Variants in PKHD1 observed in about 807,000 individuals in gnomAD.
PKHD1 encodes PKHD1 ciliary IPT domain containing fibrocystin/polyductin, also known as fibrocystin.
Under a neutral mutation model 412.0 loss-of-function variants are expected in PKHD1, and 291 were observed. The ratio of observed to expected loss-of-function variants is 0.71; its 90% CI spans 0.64 to 0.78. The LOEUF is 0.78. PKHD1 is among the 30% of genes least tolerant of loss of function. PKHD1 has a pLI of 0.00. For synonymous variants in PKHD1, 1,777 were observed against 1,821.5 expected (o/e 0.98, Z 0.62); for missense variants, 4,825 against 4,950.7 (o/e 0.97, Z 0.76).
intron 50 of PKHD1, among the ~76,000 whole-genome samples, chr6:51,844,439 G>A (rs1183009803): frequency 6.6e-6 from 1 of 152,108 alleles, no homozygotes; most frequent in Non-Finnish European, 1.5e-5. Flanking sequence ...TTTTTTCTTT[G>A]TCACTGGGAA....
intron 55 of PKHD1, among the ~76,000 whole-genome samples, chr6:51,768,068 T>C (rs1333067085): frequency 6.6e-6 from 1 of 152,186 alleles, no homozygotes; most frequent in African/African-American, 2.4e-5. Context: ...TGATGGCCAG[T>C]GATGATGAGC....
Position 51,934,111 on chromosome 6 carries a change from G to A in PKHD1, c.6120C>T (p.His2040=), listed in dbSNP as rs747414274. ...CCTCTGATCAATTGCCTCACTCACC[G>A]TGCAGAGAAAGAGTTCCATTCCTCA... ...LAVRNGTLSL[H]GSLPEVIVTC... The change falls in exon 37 of 67, where the codon CAC becomes CAT. Residue 2040 remains histidine (H), a splice_region_variant and synonymous_variant. Coordinates refer to ENST00000371117, the MANE Select transcript of PKHD1 (RefSeq NM_138694.4). 6.8e-6 allele frequency: 11 copies of A among 1,606,238 alleles called. No homozygotes were observed. The highest frequency in any genetic ancestry group is 1.6e-4 in the Middle Eastern group (1 of 6,066).
chr6:51,870,457 G>C, intron 47 of PKHD1, 47 bp downstream of exon 47: 1 of 1,470,572 alleles, frequency 6.8e-7, no homozygotes, highest in Non-Finnish European at 9.5e-7. Context: ...ATACTGACTT[G>C]AATATGGGCC....
At chr6:51,923,829 A>T (rs1326919941) in intron 37 of PKHD1, among the ~76,000 whole-genome samples, 1 of 152,186 alleles carries the variant, frequency 6.6e-6, no homozygotes, top group African/African-American at 2.4e-5. Context: ...AAAGAAGTAT[A>T]TTCTGCCTTT....
At chr6:51,861,538 T>A (rs1774186184) in intron 48 of PKHD1, among the ~76,000 whole-genome samples, 1 of 152,230 alleles carries the variant, frequency 6.6e-6, no homozygotes, top group African/African-American at 2.4e-5. Context: ...CACTCTCATC[T>A]TTTACTGCAC....
chr6:52,010,400 T>G lies in PKHD1; in HGVS notation c.5660A>C (p.Glu1887Ala), dbSNP rs1371761544. ...CTCACACTCCATCTCTGCCTCAGTT[T>G]CCATGGTAATGTTACAGGAGCTATT... ...IYNSSCNITM[E>A]TEAEMECETP... is the part of the protein sequence containing the mutation. Residue 1887 changes from glutamate to alanine, a missense_variant, in exon 35 of 67, where the codon GAA becomes GCA. By Grantham distance (107) the Glu-to-Ala change is moderately radical (BLOSUM62 -1). Transcript: ENST00000371117. The G allele has an allele frequency of 1.9e-6, 3 of 1,610,672 alleles. No individual in the cohort carries two copies. The highest frequency in any genetic ancestry group is 3.3e-5 in the Admixed American group (2 of 59,990).
intron 35 of PKHD1, among the ~76,000 whole-genome samples, chr6:51,969,174 G>T (rs1043653456): frequency 6.6e-6 from 1 of 152,152 alleles, no homozygotes; most frequent in Non-Finnish European, 1.5e-5. Context: ...AGACCATGTG[G>T]CTAGAACCCA....
intron 23 of PKHD1, 118 bp from the exon 24 acceptor site, chr6:52,046,306 C>A (rs1805820755): frequency 1.2e-6 from 1 of 845,948 alleles, no homozygotes. Flanking sequence ...TCAGGAGACC[C>A]TTCTGTCAAA....
chr6:51,850,911 G>C (rs180867243), intron 49 of PKHD1, among the ~76,000 whole-genome samples: 1 of 151,864 alleles, frequency 6.6e-6, no homozygotes, highest in Non-Finnish European at 1.5e-5. Context: ...CTGATTACCC[G>C]GCCAGAACTT....
intron 61 of PKHD1, among the ~76,000 whole-genome samples, chr6:51,654,643 C>CA (rs34402676): frequency 0.54 from 79,993 of 147,522 alleles, 21,672 homozygotes; most frequent in African/African-American, 0.64. Flanking sequence ...AGCAAAATAG[C>CA]AAAAAAAAAA....
intron 50 of PKHD1, among the ~76,000 whole-genome samples, chr6:51,847,192 C>T (rs1218911955): frequency 6.6e-6 from 1 of 151,828 alleles, no homozygotes; most frequent in Non-Finnish European, 1.5e-5. Flanking sequence ...AACTCCTGGC[C>T]TCAACTGATC....
At chr6:51,883,735 G>A (rs895262736) in intron 45 of PKHD1, among the ~76,000 whole-genome samples, 1 of 152,186 alleles carries the variant, frequency 6.6e-6, no homozygotes, top group South Asian at 2.1e-4. Context: ...AACAAAATTA[G>A]CTTGGTAGAG....
At chr6:51,817,204 G>A (rs1765603457) in intron 52 of PKHD1, among the ~76,000 whole-genome samples, 1 of 152,044 alleles carries the variant, frequency 6.6e-6, no homozygotes, top group Admixed American at 6.6e-5. Flanking sequence ...AGCAATTTGG[G>A]AACCACTCTA....
At chr6:51,806,616 C>T (rs1280681500) in intron 52 of PKHD1, among the ~76,000 whole-genome samples, 2 of 152,078 alleles carry the variant, frequency 1.3e-5, no homozygotes, top group South Asian at 2.1e-4. Flanking sequence ...CCATCAATAG[C>T]TTCACAACTA....
chr6:51,894,954 C>A (rs1779669964), intron 43 of PKHD1, among the ~76,000 whole-genome samples: 1 of 148,226 alleles, frequency 6.7e-6, no homozygotes, highest in Non-Finnish European at 1.5e-5. Flanking sequence ...TTTAAAATAA[C>A]AACAAAGAAA....
intron 63 of PKHD1, among the ~76,000 whole-genome samples, chr6:51,642,436 G>A (rs767822841): frequency 1.7e-4 from 26 of 152,180 alleles, no homozygotes; most frequent in Non-Finnish European, 3.5e-4. Flanking sequence ...AAAGTATGGA[G>A]TGTGAATAAG....
intron 37 of PKHD1, among the ~76,000 whole-genome samples, chr6:51,933,595 T>C (rs1451677230): frequency 6.6e-6 from 1 of 152,240 alleles, no homozygotes; most frequent in African/African-American, 2.4e-5. Flanking sequence ...CTCACATACA[T>C]GAGAGCAGTA....
chr6:52,001,121 T>A (rs1457700856), intron 35 of PKHD1, among the ~76,000 whole-genome samples: 1 of 152,228 alleles, frequency 6.6e-6, no homozygotes, highest in Non-Finnish European at 1.5e-5. Flanking sequence ...AACCCATTCA[T>A]ATGATTCTAA....
chr6:51,965,208 C>T (rs1007556647), intron 35 of PKHD1, among the ~76,000 whole-genome samples: 4 of 151,990 alleles, frequency 2.6e-5, no homozygotes, highest in Admixed American at 1.3e-4. Context: ...TAGAAAAATA[C>T]AAATAGCCAG....
Sources: allele counts gnomAD v4.1 joint callset (sites outside exome capture counted in the v4.1 genomes callset), GRCh38; gene constraint gnomAD v4.1.1; transcripts MANE v1.5; gene names NCBI Gene and HGNC (gene_info 2026-07-23, HGNC 2026-07-21).